The following CALN1 variants were observed in gnomAD, a reference collection of about 807,000 sequenced individuals.
The protein encoded by CALN1 is calcium-binding protein 8.
Under a neutral mutation model 30.6 loss-of-function variants are expected in CALN1, and 17 were observed. The ratio of observed to expected loss-of-function variants is 0.56; its 90% CI spans 0.38 to 0.83. The LOEUF (loss-of-function observed/expected upper bound fraction) is 0.83. Among genes scored for constraint, CALN1 ranks in the 40% least tolerant of loss-of-function variants. The pLI is 0.00. For missense variants in CALN1, 291 were observed against 354.9 expected (o/e 0.82, Z 1.45); for synonymous variants, 156 against 131.4 (o/e 1.19, Z -1.28).
At position 72,403,286 on chromosome 7, in the gene CALN1, C is replaced by A. The variant is rs911280369; in HGVS notation, c.84G>T (p.Glu28Asp). The A allele has an allele frequency of 2.6e-6, 4 of 1,550,398 alleles. No homozygotes were observed. Among genetic ancestry groups the A allele is most frequent in the Non-Finnish European group, 3.5e-6 (4 of 1,146,970 alleles). Reference sequence around the variant, plus strand: ...AGTCGGGGGCCTGGCTCCTCGGCGGCTCCTCTCCCCCTCCGAGGGCTCCTC... The same window carrying A: ...AGTCGGGGGCCTGGCTCCTCGGCGGATCCTCTCCCCCTCCGAGGGCTCCTC... The part of the protein sequence containing the change: ...GDGGALGGGE[E>D]PPRSQAPDFP... Residue 28 changes from glutamate (E) to aspartate (D), a missense_variant, in exon 2 of 7, where the codon GAG becomes GAT. Transcript: ENST00000395275.
intron 2 of CALN1, among the ~76,000 whole-genome samples, chr7:72,327,126 G>A (rs1272879557): frequency 6.6e-6 from 1 of 152,172 alleles, no homozygotes; most frequent in African/African-American, 2.4e-5. Flanking sequence ...CAGTCTGTAG[G>A]ATGAGACCAC....
chr7:72,489,611 T>G, the CALN1 span, among the ~76,000 whole-genome samples: 3 of 152,122 alleles, frequency 2.0e-5, no homozygotes, highest in Non-Finnish European at 4.4e-5. Context: ...AGCCTTTATT[T>G]CATGTTCCTA....
At chr7:72,099,823 G>T (rs768856882) in intron 4 of CALN1, among the ~76,000 whole-genome samples, 3 of 152,202 alleles carry the variant, frequency 2.0e-5, no homozygotes, top group Non-Finnish European at 1.5e-5. Context: ...AATAGTTGAT[G>T]ACTTGGGTTT....
chr7:72,439,312 A>G (rs973390684), intron 1 of CALN1, among the ~76,000 whole-genome samples: 1 of 152,052 alleles, frequency 6.6e-6, no homozygotes, highest in Non-Finnish European at 1.5e-5. Context: ...GATTACAGGC[A>G]TGAGCCACTA....
At chr7:72,147,007 T>C (rs1786804402) in intron 3 of CALN1, among the ~76,000 whole-genome samples, 1 of 152,134 alleles carries the variant, frequency 6.6e-6, no homozygotes, top group African/African-American at 2.4e-5. Context: ...CCTAAAACCA[T>C]AAAAACCCTA....
intron 2 of CALN1, among the ~76,000 whole-genome samples, chr7:72,294,497 C>A (rs1798712903): frequency 6.6e-6 from 1 of 151,966 alleles, no homozygotes; most frequent in Admixed American, 6.6e-5. Flanking sequence ...TACTCACAAT[C>A]CCCACACTTT....
chr7:72,100,464 T>C (rs1008253448), intron 4 of CALN1, among the ~76,000 whole-genome samples: 3 of 152,070 alleles, frequency 2.0e-5, no homozygotes, highest in Non-Finnish European at 2.9e-5. Context: ...TTACAAAATG[T>C]GGGCCACGGT....
intron 2 of CALN1, among the ~76,000 whole-genome samples, chr7:72,333,443 C>T (rs935521996): frequency 7.9e-5 from 12 of 152,206 alleles, no homozygotes; most frequent in Non-Finnish European, 1.5e-4. Context: ...TTCCTCCTTC[C>T]GAACCACATT....
intron 3 of CALN1, among the ~76,000 whole-genome samples, chr7:72,175,799 G>A (rs1318922206): frequency 6.6e-6 from 1 of 152,110 alleles, no homozygotes; most frequent in East Asian, 1.9e-4. Flanking sequence ...CAGCCTGAAA[G>A]AACAGACAGT....
At chr7:71,942,757 C>T (rs1007223821) in intron 5 of CALN1, among the ~76,000 whole-genome samples, 4 of 151,896 alleles carry the variant, frequency 2.6e-5, no homozygotes, top group African/African-American at 7.3e-5. Context: ...ATCTGTAGTA[C>T]GAAAGGAAAA....
At chr7:71,798,135 G>C (rs796079381) in intron 6 of CALN1, among the ~76,000 whole-genome samples, 20 of 114,584 alleles carry the variant, frequency 1.7e-4, no homozygotes, top group East Asian at 1.5e-3. Flanking sequence ...GAGAGAGAGA[G>C]AGAGAGAGAG....
chr7:72,365,700 G>T (rs1046715482), intron 2 of CALN1, among the ~76,000 whole-genome samples: 1 of 152,020 alleles, frequency 6.6e-6, no homozygotes, highest in Non-Finnish European at 1.5e-5. Flanking sequence ...CAAAGTGCTG[G>T]GATTACAGGT....
rs147616760 is a variant in CALN1, at chr7:72,001,082, C to T, written c.501+22575G>A. On this transcript the variant is annotated intron_variant, in intron 5 of 6. Coordinates refer to ENST00000395275, the MANE Select transcript of CALN1 (RefSeq NM_031468.4). ...TTGGGTGAATGGACTCATGTATATGCACTAAATAACAGTAATTGGTTGTAG... is the reference window on the plus strand; with the variant it reads ...TTGGGTGAATGGACTCATGTATATGTACTAAATAACAGTAATTGGTTGTAG... Among the ~76,000 whole-genome samples, 778 of 152,280 alleles carry T rather than the reference C, an allele frequency of 5.1e-3. 6 individuals are homozygous for T. Among genetic ancestry groups the T allele is most frequent in the African/African-American group, 0.016 (678 of 41,544 alleles).
chr7:72,155,343 T>G lies in CALN1; in HGVS notation c.245-49049A>C, dbSNP rs1356563793. On this transcript the variant is annotated intron_variant, in intron 3 of 6. Transcript: ENST00000395275. ...CTATCTCTACTAAAAATACAAAAAA[T>G]TAGCCGGGCGTGGTGGCAGGTGCCT... Among the ~76,000 whole-genome samples the G allele has an allele frequency of 1.3e-5, 2 of 151,644 alleles. 1 individual carries two copies. The highest frequency in any genetic ancestry group is 2.9e-5 in the Non-Finnish European group (2 of 67,902).
At chr7:72,291,841 A>C (rs1798497770) in intron 2 of CALN1, among the ~76,000 whole-genome samples, 1 of 152,006 alleles carries the variant, frequency 6.6e-6, no homozygotes, top group Non-Finnish European at 1.5e-5. Flanking sequence ...CGAACTCCCA[A>C]CCTCAAGTGA....
chr7:72,023,676 A>G lies in CALN1; in HGVS notation c.482T>C (p.Ile161Thr). 2 of 1,614,000 alleles carry G rather than the reference A, an allele frequency of 1.2e-6. No homozygotes were observed. Among genetic ancestry groups the G allele is most frequent in the Non-Finnish European group, 1.7e-6 (2 of 1,179,888 alleles). Residue 161 changes from isoleucine to threonine, a missense_variant, in exon 5 of 7, where the codon ATA (isoleucine) becomes ACA (threonine). By Grantham distance (89) the Ile-to-Thr change is moderately conservative. Coordinates refer to ENST00000395275, the MANE Select transcript of CALN1 (RefSeq NM_031468.4). The stretch of plus-strand genomic sequence containing the variant: ...ACTCACCTGCCAGAATATGCTGTCT[A>G]TCGTGTTCCCAAGAAAACCATCGCG... ...EGRDGFLGNT[I>T]DSIFWQFDMQ...
At chr7:72,198,428 A>C (rs915015521) in intron 3 of CALN1, among the ~76,000 whole-genome samples, 8 of 152,248 alleles carry the variant, frequency 5.3e-5, no homozygotes, top group Admixed American at 5.2e-4. Flanking sequence ...ACTGTTATCA[A>C]GCCATACCAG....
intron 1 of CALN1, among the ~76,000 whole-genome samples, chr7:72,408,903 C>T (rs965464912): frequency 1.3e-5 from 2 of 151,794 alleles, no homozygotes; most frequent in African/African-American, 4.8e-5. Flanking sequence ...GTCTCAAACT[C>T]TTGGGCTCAA....
intron 3 of CALN1, among the ~76,000 whole-genome samples, chr7:72,253,835 G>C (rs781204765): frequency 2.6e-4 from 39 of 152,306 alleles, no homozygotes; most frequent in Middle Eastern, 3.4e-3. Flanking sequence ...CCGCCTCCCA[G>C]GTTCAAGCAA....
Sources: allele counts gnomAD v4.1 joint callset (sites outside exome capture counted in the v4.1 genomes callset), GRCh38; gene constraint gnomAD v4.1.1; transcripts MANE v1.5; gene names NCBI Gene and HGNC (gene_info 2026-07-23, HGNC 2026-07-21).